The following CLNK variants were observed in gnomAD, a reference collection of about 807,000 sequenced individuals.
CLNK encodes cytokine-dependent hematopoietic cell linker.
CLNK carries 74 observed loss-of-function variants against 68.6 expected under a neutral mutation model. That is an observed-to-expected ratio of 1.08 (90% CI 0.89 to 1.31). CLNK has a LOEUF of 1.31. CLNK is among the 50% of genes most tolerant of loss of function. The pLI is 0.00. For missense variants in CLNK, 553 were observed against 515.3 expected, an observed-to-expected ratio of 1.07 and a Z score of -0.71; for synonymous variants, 198 against 172.2, an observed-to-expected ratio of 1.15 and a Z score of -1.17.
intron 2 of CLNK, among the ~76,000 whole-genome samples, chr4:10,604,624 T>C (rs1721720824): frequency 6.6e-6 from 1 of 152,058 alleles, no homozygotes; most frequent in Non-Finnish European, 1.5e-5. Context: ...GTATGGGGTC[T>C]ACTCTTTCAA....
Position 10,640,886 on chromosome 4 carries a change from G to A in CLNK, c.11+26973C>T, listed in dbSNP as rs571613795. ...AAGCCAGCAGGAAGTGCTCACCTGG[G>A]AGCCTGTGTTTCAAGCTTCAGAGGC... is the stretch of plus-strand genomic sequence containing the variant. On this transcript the variant is annotated intron_variant, in intron 2 of 18. Coordinates refer to ENST00000226951, the MANE Select transcript of CLNK (RefSeq NM_052964.4). 2.7e-4 allele frequency among the ~76,000 whole-genome samples: 41 copies of A among 152,338 alleles called. 1 individual carries two copies. The highest frequency in any genetic ancestry group is 3.4e-3 in the Middle Eastern group (1 of 294).
At chr4:10,664,287 A>T (rs1226527715) in intron 2 of CLNK, among the ~76,000 whole-genome samples, 1 of 152,132 alleles carries the variant, frequency 6.6e-6, no homozygotes, top group African/African-American at 2.4e-5. Context: ...GGGGAAGGAC[A>T]CTGAAATTGT....
At chr4:10,490,735 T>A in intron 18 of CLNK, 122 bp from the exon 19 acceptor site, 1 of 744,480 alleles carries the variant, frequency 1.3e-6, no homozygotes, top group East Asian at 2.8e-5. Context: ...AATGTTTGTA[T>A]GGTAAAGGTG....
intron 1 of CLNK, among the ~76,000 whole-genome samples, chr4:10,676,980 A>ATT (rs10647095): frequency 0.35 from 50,890 of 143,414 alleles, 9,768 homozygotes; most frequent in Non-Finnish European, 0.43. Flanking sequence ...TCTCGCCCCT[A>ATT]TTTTTTTTTT....
At chr4:10,717,740 A>G in the CLNK span, among the ~76,000 whole-genome samples, 1 of 152,224 alleles carries the variant, frequency 6.6e-6, no homozygotes, top group Non-Finnish European at 1.5e-5. Flanking sequence ...ATCAGTGGAA[A>G]CCAGCTAAAA....
chr4:10,612,392 G>A (rs1722065022), intron 2 of CLNK, among the ~76,000 whole-genome samples: 1 of 152,234 alleles, frequency 6.6e-6, no homozygotes, highest in Non-Finnish European at 1.5e-5. Context: ...CGTCCAAAGT[G>A]TCTTGCTGAG....
At chr4:10,568,834 A>G (rs939439595) in intron 5 of CLNK, among the ~76,000 whole-genome samples, 1 of 152,208 alleles carries the variant, frequency 6.6e-6, no homozygotes, top group African/African-American at 2.4e-5. Context: ...TGCTGTGCCC[A>G]GACTTCTGAT....
intron 8 of CLNK, among the ~76,000 whole-genome samples, chr4:10,546,517 C>T (rs892625739): frequency 3.9e-5 from 6 of 152,304 alleles, no homozygotes; most frequent in African/African-American, 1.4e-4. Flanking sequence ...CCTTTACTGT[C>T]TATATTTCTA....
intron 2 of CLNK, among the ~76,000 whole-genome samples, chr4:10,610,950 G>A (rs189481344): frequency 2.0e-4 from 31 of 152,306 alleles, no homozygotes; most frequent in African/African-American, 5.8e-4. Flanking sequence ...TTGGGAGGCC[G>A]AGGCAGGCGG....
At chr4:10,730,213 A>G in the CLNK span, among the ~76,000 whole-genome samples, 1 of 152,092 alleles carries the variant, frequency 6.6e-6, no homozygotes, top group East Asian at 1.9e-4. Flanking sequence ...TCATCACTGC[A>G]CCATTGAACC....
chr4:10,489,987 T>C lies in CLNK; in HGVS notation c.*480A>G, dbSNP rs1453882754. 6.5e-6 allele frequency: 1 copy of C among 153,732 alleles called. No individual in the cohort carries two copies. Among genetic ancestry groups the C allele is most frequent in the African/African-American group, 2.4e-5 (1 of 41,404 alleles). The allele number at this position is 153,732 out of a possible 1,614,324, so 9.5% of individuals were successfully genotyped here. ...AGCCCAGCATCTTTAGTGTAAGAAATCATCCACACATTGTATATATGTAAG... is the reference window on the plus strand; with the variant it reads ...AGCCCAGCATCTTTAGTGTAAGAAACCATCCACACATTGTATATATGTAAG... On this transcript the variant is annotated 3_prime_UTR_variant, in exon 19 of 19. Transcript: ENST00000226951.
intron 2 of CLNK, among the ~76,000 whole-genome samples, chr4:10,636,335 G>C (rs754528338): frequency 6.6e-6 from 1 of 152,176 alleles, no homozygotes; most frequent in Non-Finnish European, 1.5e-5. Context: ...TGAAGACACA[G>C]AGAGAAAAGA....
the CLNK span, among the ~76,000 whole-genome samples, chr4:10,699,130 G>A: frequency 6.9e-6 from 1 of 145,392 alleles, no homozygotes; most frequent in African/African-American, 2.5e-5. Context: ...GCAGATCCTA[G>A]AACTTTCTCA....
rs554341813 is a variant in CLNK at position 10,657,947 on chromosome 4, C to T, written c.11+9912G>A. On this transcript the variant is annotated intron_variant, in intron 2 of 18. Transcript: ENST00000226951. ...TCAAATTATCAGTCTTAATGTTATTCTTTACATTAAATCTGGGTAGAAGTT... is the reference window on the plus strand; with the variant it reads ...TCAAATTATCAGTCTTAATGTTATTTTTTACATTAAATCTGGGTAGAAGTT... Among the ~76,000 whole-genome samples, 3 of 152,304 alleles carry T rather than the reference C, an allele frequency of 2.0e-5. No individual in the cohort carries two copies. In the South Asian group the frequency reaches 6.2e-4, roughly 32 times the overall value.
intron 2 of CLNK, among the ~76,000 whole-genome samples, chr4:10,660,944 G>A (rs1724170089): frequency 6.6e-6 from 1 of 152,162 alleles, no homozygotes; most frequent in African/African-American, 2.4e-5. Flanking sequence ...GACTTTGATA[G>A]CATCAGAGGA....
At chr4:10,637,144 A>G (rs1450316306) in intron 2 of CLNK, among the ~76,000 whole-genome samples, 1 of 152,222 alleles carries the variant, frequency 6.6e-6, no homozygotes, top group Non-Finnish European at 1.5e-5. Context: ...TTGCTCATCA[A>G]AGACATTTAT....
intron 11 of CLNK, among the ~76,000 whole-genome samples, chr4:10,540,047 C>T (rs1335118953): frequency 1.3e-5 from 2 of 152,094 alleles, no homozygotes. Context: ...CTTTTGTGTC[C>T]CCACCCAAAG....
intron 8 of CLNK, among the ~76,000 whole-genome samples, chr4:10,553,648 G>A (rs909998013): frequency 1.3e-5 from 2 of 151,988 alleles, no homozygotes; most frequent in African/African-American, 2.4e-5. Context: ...GAGACAGGGT[G>A]TCACCACGTT....
chr4:10,570,653 G>A (rs1720306641), intron 5 of CLNK, among the ~76,000 whole-genome samples: 1 of 152,118 alleles, frequency 6.6e-6, no homozygotes, highest in Non-Finnish European at 1.5e-5. Flanking sequence ...AAACAGTAAA[G>A]AGTCAATGAG....
Sources: gnomAD v4.1 joint callset for allele counts (sites outside exome capture counted in the v4.1 genomes callset) on GRCh38, gnomAD v4.1.1 for gene constraint, MANE v1.5 for transcripts, NCBI Gene and HGNC (gene_info 2026-07-23, HGNC 2026-07-21) for gene names.